Variants in NKAIN3 observed in about 807,000 individuals in gnomAD.
NKAIN3 encodes the protein sodium/potassium transporting ATPase interacting 3.
NKAIN3 carries 25 observed loss-of-function variants against 30.2 expected under a neutral mutation model. That is an observed-to-expected ratio of 0.83 (90% confidence interval 0.60 to 1.16). The LOEUF is 1.16. NKAIN3 is among the 50% of genes most tolerant of loss of function. NKAIN3 has a pLI of 0.00. For missense variants in NKAIN3, 225 were observed against 254.1 expected, an observed-to-expected ratio of 0.89 and a Z score of 0.78; for synonymous variants, 91 against 89.6, an observed-to-expected ratio of 1.02 and a Z score of -0.09.
At chr8:62,371,338 A>G (rs952683300) in intron 1 of NKAIN3, among the ~76,000 whole-genome samples, 2 of 151,932 alleles carry the variant, frequency 1.3e-5, no homozygotes, top group African/African-American at 4.8e-5. Context: ...CAATGAAACT[A>G]GTTTTTATAT....
At chr8:62,759,616 A>G (rs1816579966) in intron 4 of NKAIN3, among the ~76,000 whole-genome samples, 1 of 152,200 alleles carries the variant, frequency 6.6e-6, no homozygotes, top group South Asian at 2.1e-4. Context: ...AATCCCAAAG[A>G]TAATACTCAG....
intron 3 of NKAIN3, among the ~76,000 whole-genome samples, chr8:62,603,066 A>G (rs1476425879): frequency 6.6e-6 from 1 of 152,124 alleles, no homozygotes; most frequent in African/African-American, 2.4e-5. Flanking sequence ...ACTGCTGCAG[A>G]ATTTTTCATG....
At chr8:62,710,861 TC>T (rs1186868273) in intron 3 of NKAIN3, among the ~76,000 whole-genome samples, 1 of 152,188 alleles carries the variant, frequency 6.6e-6, no homozygotes, top group Non-Finnish European at 1.5e-5. Flanking sequence ...TTAAAGAGGT[TC>T]TGTTTTGATG....
chr8:62,916,977 T>A (rs557968067), intron 4 of NKAIN3, among the ~76,000 whole-genome samples: 92 of 152,096 alleles, frequency 6.0e-4, no homozygotes, highest in African/African-American at 2.1e-3. Context: ...GTTTCTCGGA[T>A]GATCAGCCTC....
intron 4 of NKAIN3, among the ~76,000 whole-genome samples, chr8:62,771,273 A>ATTAC (rs1244859278): frequency 2.6e-5 from 4 of 152,110 alleles, no homozygotes; most frequent in African/African-American, 9.7e-5. Context: ...ACAAAAAATA[A>ATTAC]ATGAATAAAT....
intron 1 of NKAIN3, among the ~76,000 whole-genome samples, chr8:62,458,055 A>T (rs981659751): frequency 1.6e-4 from 24 of 152,186 alleles, no homozygotes; most frequent in African/African-American, 5.3e-4. Flanking sequence ...CTGGTCTTCG[A>T]ATGCTATAGT....
chr8:62,766,528 T>C (rs114303311), intron 4 of NKAIN3, among the ~76,000 whole-genome samples: 2,544 of 152,146 alleles, frequency 0.017, 70 homozygotes, highest in African/African-American at 0.059. Flanking sequence ...GGTGAGAGGG[T>C]TCCTAGTTGC....
intron 4 of NKAIN3, among the ~76,000 whole-genome samples, chr8:62,909,563 A>C (rs960472242): frequency 2.6e-5 from 4 of 152,192 alleles, no homozygotes; most frequent in African/African-American, 4.8e-5. Context: ...CACAGAGACT[A>C]TTTAAATTCA....
chr8:62,588,852 C>T (rs570016534), intron 2 of NKAIN3, among the ~76,000 whole-genome samples: 2 of 151,836 alleles, frequency 1.3e-5, no homozygotes, highest in Admixed American at 1.3e-4. Flanking sequence ...TAAGTACTAT[C>T]CTCAGTCATC....
rs963047303 is a variant in NKAIN3 at position 62,669,584 on chromosome 8, T to C, written c.274-77348T>C. On this transcript the variant is annotated intron_variant, in intron 3 of 6. Coordinates refer to ENST00000623646, the MANE Select transcript of NKAIN3 (RefSeq NM_001304533.3). ...GTAACCATGTTAGCATGTATAATCA[T>C]GACTACACAAAAAAAACAGTACAAA... Among the ~76,000 whole-genome samples the C allele has an allele frequency of 2.6e-5, 4 of 152,164 alleles. No homozygotes were observed. In the South Asian group the frequency reaches 6.2e-4, roughly 24 times the overall value.
intron 4 of NKAIN3, among the ~76,000 whole-genome samples, chr8:62,876,022 G>A (rs1017685599): frequency 1.3e-5 from 2 of 152,002 alleles, no homozygotes; most frequent in African/African-American, 4.8e-5. Flanking sequence ...AAAGAAACTA[G>A]CATTAGAGTG....
intron 1 of NKAIN3, among the ~76,000 whole-genome samples, chr8:62,529,222 C>T (rs1047283776): frequency 6.6e-6 from 1 of 152,140 alleles, no homozygotes; most frequent in Non-Finnish European, 1.5e-5. Context: ...GCATTTCTTG[C>T]AGGATAACTT....
chr8:62,660,809 A>T (rs1352981426), intron 3 of NKAIN3, among the ~76,000 whole-genome samples: 1 of 152,154 alleles, frequency 6.6e-6, no homozygotes, highest in East Asian at 1.9e-4. Flanking sequence ...AAGTCCACAT[A>T]CCTCAGCCAA....
chr8:62,838,942 C>T (rs1376364930), intron 4 of NKAIN3, among the ~76,000 whole-genome samples: 2 of 152,046 alleles, frequency 1.3e-5, no homozygotes, highest in East Asian at 1.9e-4. Flanking sequence ...TACACACCAG[C>T]GTCATCTCCC....
intron 3 of NKAIN3, among the ~76,000 whole-genome samples, chr8:62,639,901 A>G (rs1812254039): frequency 6.6e-6 from 1 of 152,108 alleles, no homozygotes; most frequent in Non-Finnish European, 1.5e-5. Flanking sequence ...ATAAGTCAAT[A>G]ATCATCTTGG....
At chr8:62,667,049 A>G (rs1332573207) in intron 3 of NKAIN3, among the ~76,000 whole-genome samples, 2 of 150,804 alleles carry the variant, frequency 1.3e-5, no homozygotes, top group Non-Finnish European at 1.5e-5. Context: ...TGAGTAGAAA[A>G]TACAGAGCAG....
intron 1 of NKAIN3, among the ~76,000 whole-genome samples, chr8:62,456,869 G>A (rs1483747968): frequency 2.0e-5 from 3 of 152,218 alleles, no homozygotes; most frequent in African/African-American, 2.4e-5. Flanking sequence ...ACGATTCCTG[G>A]AGTTTTGCAC....
chr8:62,709,467 G>A (rs1814646282), intron 3 of NKAIN3, among the ~76,000 whole-genome samples: 4 of 152,086 alleles, frequency 2.6e-5, no homozygotes. Flanking sequence ...ATTTTTCCAG[G>A]AATTTATCCA....
At chr8:62,412,908 T>TAAAAA (rs1563387359) in intron 1 of NKAIN3, among the ~76,000 whole-genome samples, 1 of 75,886 alleles carries the variant, frequency 1.3e-5, no homozygotes. Context: ...TGAGACTCCG[T>TAAAAA]CAAAAAAAAA....
Sources: gnomAD v4.1 joint callset for allele counts (sites outside exome capture counted in the v4.1 genomes callset) on GRCh38, gnomAD v4.1.1 for gene constraint, MANE v1.5 for transcripts, NCBI Gene and HGNC (gene_info 2026-07-23, HGNC 2026-07-21) for gene names.